Variants in STK32B observed in about 807,000 individuals in gnomAD.
The protein encoded by STK32B is serine/threonine kinase 32B.
STK32B carries 43 observed loss-of-function variants against 52.6 expected under a neutral mutation model. That is an observed-to-expected ratio of 0.82 (90% CI 0.64 to 1.05). The LOEUF (loss-of-function observed/expected upper bound fraction) is 1.05, where lower values mean the gene tolerates loss of function less well. Ranked by LOEUF, STK32B falls within the 50% of genes least tolerant of loss-of-function variation. The probability of loss-of-function intolerance (pLI) is 0.00; values close to 1 mark genes in which losing one functional copy is unlikely to be tolerated. For synonymous variants in STK32B, 238 were observed against 204.3 expected (o/e 1.17, Z -1.41); for missense variants, 621 against 534.6 (o/e 1.16, Z -1.59).
chr4:5,412,747 C>A (rs191617519), intron 5 of STK32B, among the ~76,000 whole-genome samples: 25 of 152,280 alleles, frequency 1.6e-4, no homozygotes, highest in Admixed American at 1.5e-3. Context: ...CAGTTATTAA[C>A]CCTAAATAAC....
At chr4:5,230,999 A>G (rs1013085084) in intron 3 of STK32B, among the ~76,000 whole-genome samples, 1 of 152,200 alleles carries the variant, frequency 6.6e-6, no homozygotes, top group East Asian at 1.9e-4. Context: ...AGTGACAAGG[A>G]AGAAAGTTAT....
At chr4:5,180,953 G>A (rs750779892) in intron 3 of STK32B, among the ~76,000 whole-genome samples, 3 of 152,214 alleles carry the variant, frequency 2.0e-5, no homozygotes, top group South Asian at 2.1e-4. Flanking sequence ...TTAAGACAAC[G>A]AAGGCAAAGG....
intron 2 of STK32B, among the ~76,000 whole-genome samples, chr4:5,155,914 TAC>T (rs1359886852): frequency 6.6e-6 from 1 of 152,096 alleles, no homozygotes; most frequent in Non-Finnish European, 1.5e-5. Context: ...TTCACATATA[TAC>T]ACAGTGTCTA....
chr4:5,203,905 C>T (rs988829475), intron 3 of STK32B, among the ~76,000 whole-genome samples: 1 of 152,296 alleles, frequency 6.6e-6, no homozygotes, highest in African/African-American at 2.4e-5. Flanking sequence ...GGCCCCATAG[C>T]CAGTGACTGG....
chr4:5,413,513 G>T (rs1711884723), intron 5 of STK32B, among the ~76,000 whole-genome samples: 1 of 152,146 alleles, frequency 6.6e-6, no homozygotes, highest in Non-Finnish European at 1.5e-5. Flanking sequence ...GCATGACACT[G>T]TCCAAAGACA....
At chr4:5,177,698 A>G (rs1720027327) in intron 3 of STK32B, among the ~76,000 whole-genome samples, 2 of 152,234 alleles carry the variant, frequency 1.3e-5, no homozygotes, top group Non-Finnish European at 2.9e-5. Context: ...TTAGGTAAAT[A>G]TACCCATTCC....
intron 11 of STK32B, among the ~76,000 whole-genome samples, chr4:5,481,161 G>C (rs1346838577): frequency 6.6e-6 from 1 of 152,196 alleles, no homozygotes; most frequent in African/African-American, 2.4e-5. Flanking sequence ...TCGCGACACT[G>C]ACTTGCACAA....
chr4:5,146,800 A>G (rs1466860356), intron 2 of STK32B, among the ~76,000 whole-genome samples: 1 of 152,218 alleles, frequency 6.6e-6, no homozygotes, highest in East Asian at 1.9e-4. Context: ...TTATGCAAGT[A>G]CTAGTCTGTC....
At chr4:5,343,947 T>C (rs1469754801) in intron 4 of STK32B, among the ~76,000 whole-genome samples, 1 of 152,220 alleles carries the variant, frequency 6.6e-6, no homozygotes, top group African/African-American at 2.4e-5. Context: ...TAGTCATGAT[T>C]CTTTTAATAT....
chr4:5,437,839 C>G, intron 6 of STK32B: 1 of 875,312 alleles, frequency 1.1e-6, no homozygotes, highest in Non-Finnish European at 1.4e-6. Flanking sequence ...GTAGTTCTCT[C>G]ACGTCTAAGT....
At chr4:5,420,180 C>G (rs16837185) in intron 6 of STK32B, among the ~76,000 whole-genome samples, 7 of 152,170 alleles carry the variant, frequency 4.6e-5, no homozygotes, top group Non-Finnish European at 1.0e-4. Context: ...CTCCAAAACC[C>G]AAGCTCTGAA....
At chr4:5,293,549 A>G (rs1012388946) in intron 3 of STK32B, among the ~76,000 whole-genome samples, 2 of 152,114 alleles carry the variant, frequency 1.3e-5, no homozygotes, top group African/African-American at 4.8e-5. Context: ...AGTGATAATG[A>G]GCTTTTTTCA....
chr4:5,130,781 A>G (rs989174282), intron 1 of STK32B, among the ~76,000 whole-genome samples: 5 of 151,830 alleles, frequency 3.3e-5, no homozygotes, highest in Admixed American at 6.6e-5. Flanking sequence ...TCCTTCCTCC[A>G]CCCTGCCCCA....
chr4:5,282,394 T>C (rs1333607706), intron 3 of STK32B, among the ~76,000 whole-genome samples: 1 of 152,204 alleles, frequency 6.6e-6, no homozygotes, highest in African/African-American at 2.4e-5. Context: ...GAGGGCCTAC[T>C]GTATATACCT....
intron 3 of STK32B, among the ~76,000 whole-genome samples, chr4:5,244,670 G>C (rs1000653240): frequency 6.6e-6 from 1 of 151,970 alleles, no homozygotes; most frequent in Non-Finnish European, 1.5e-5. Context: ...TGTGATGTTA[G>C]GGTGTCAATT....
intron 3 of STK32B, among the ~76,000 whole-genome samples, chr4:5,316,691 T>TG (rs1342712583): frequency 0.65 from 744 of 1,152 alleles, 218 homozygotes; most frequent in Admixed American, 0.84. Context: ...TAATATAATA[T>TG]ATATCATATT....
chr4:5,295,783 G>C (rs528628623), intron 3 of STK32B, among the ~76,000 whole-genome samples: 1 of 152,108 alleles, frequency 6.6e-6, no homozygotes, highest in African/African-American at 2.4e-5. Flanking sequence ...TTTCTGCTCT[G>C]ATCTTAGTTA....
At position 5,058,544 on chromosome 4, in the gene STK32B, CTT is replaced by C. The variant is rs1216605327; in HGVS notation, c.52+6632_52+6633del. ...AGACATGGCATGAGTGGGACAGACT[CTT>C]TTCCCATCTTTTTTTGTTTTGTTTT... is the stretch of plus-strand genomic sequence containing the variant. On this transcript the variant is annotated intron_variant, in intron 1 of 11. Transcript: ENST00000282908. This position sits in a 1 kb window ranked among gnomAD's most constrained non-coding sequence, Gnocchi z 4.8. Among the ~76,000 whole-genome samples the C allele has an allele frequency of 1.3e-5, 2 of 152,034 alleles. No homozygotes were observed. The highest frequency in any genetic ancestry group is 4.8e-5 in the African/African-American group (2 of 41,412).
At chr4:5,053,909 G>A (rs1560127780) in intron 1 of STK32B, among the ~76,000 whole-genome samples, 1 of 151,750 alleles carries the variant, frequency 6.6e-6, no homozygotes, top group Non-Finnish European at 1.5e-5. Flanking sequence ...AACCCGGGAG[G>A]CGGAGGTTGC....
Sources: allele counts gnomAD v4.1 joint callset (sites outside exome capture counted in the v4.1 genomes callset), GRCh38; gene constraint gnomAD v4.1.1; non-coding constraint Gnocchi (gnomAD v3.1); transcripts MANE v1.5; gene names NCBI Gene and HGNC (gene_info 2026-07-23, HGNC 2026-07-21).